The following STXBP5L variants were observed in gnomAD, a reference collection of about 807,000 sequenced individuals.
STXBP5L encodes the protein syntaxin binding protein 5L.
A neutral mutation model predicts 144.5 loss-of-function variants in STXBP5L; 65 were observed. The ratio of observed to expected loss-of-function variants is 0.45; its 90% CI spans 0.37 to 0.55. STXBP5L has a LOEUF of 0.55. STXBP5L is among the 20% of genes least tolerant of loss of function. The probability of loss-of-function intolerance (pLI) is 0.00; values close to 1 mark genes in which losing one functional copy is unlikely to be tolerated. For missense variants in STXBP5L, 1,298 were observed against 1,405.5 expected (o/e 0.92, Z 1.22); for synonymous variants, 505 against 469.6 (o/e 1.08, Z -0.97).
chr3:121,387,421 T>C (rs1264078683), intron 22 of STXBP5L, among the ~76,000 whole-genome samples: 1 of 152,214 alleles, frequency 6.6e-6, no homozygotes, highest in Non-Finnish European at 1.5e-5. Flanking sequence ...AGATCCCATT[T>C]GTCTATTTTG....
chr3:121,187,988 A>G (rs115865943), intron 9 of STXBP5L, among the ~76,000 whole-genome samples: 7,074 of 152,292 alleles, frequency 0.046, 225 homozygotes, highest in Middle Eastern at 0.099. Context: ...AGAGCTAACT[A>G]TCTTAAATAT....
chr3:121,139,414 C>T (rs2045401501), intron 7 of STXBP5L, among the ~76,000 whole-genome samples: 1 of 151,846 alleles, frequency 6.6e-6, no homozygotes, highest in South Asian at 2.1e-4. Flanking sequence ...TTTTAAAAAC[C>T]CTATGAGAGG....
In STXBP5L at chr3:120,984,549, A is replaced by G. The variant is rs543383358; in HGVS notation, c.287+29512A>G. 8.7e-5 allele frequency among the ~76,000 whole-genome samples: 13 copies of G among 150,224 alleles called. No homozygotes were observed. The East Asian group carries it at 2.5e-3, about 29-fold the overall frequency. On this transcript the variant is annotated intron_variant, in intron 3 of 26. Transcript: ENST00000471454. ...TGGTGGGGGGAATCTTTAGGGTTTT[A>G]CATATGTAAGATCATATTATCTGCA...
chr3:121,298,644 A>C (rs1577392584), intron 19 of STXBP5L, among the ~76,000 whole-genome samples: 1 of 152,342 alleles, frequency 6.6e-6, no homozygotes, highest in East Asian at 1.9e-4. Flanking sequence ...ACTAGATGAA[A>C]TAAGCCAGTC....
intron 9 of STXBP5L, chr3:121,158,077 G>A (rs575017966): frequency 1.3e-5 from 2 of 152,958 alleles, no homozygotes; most frequent in Admixed American, 6.5e-5. Context: ...AAGTTATGAA[G>A]ACTGTGGTTT....
At chr3:121,001,332 CCAGG>C (rs1943757631) in intron 3 of STXBP5L, among the ~76,000 whole-genome samples, 1 of 152,166 alleles carries the variant, frequency 6.6e-6, no homozygotes, top group African/African-American at 2.4e-5. Flanking sequence ...GTGGATGTGG[CCAGG>C]CAGAGATCCT....
rs1047380745 is a variant in STXBP5L at position 120,988,113 on chromosome 3, C to CT, written c.287+33086dup. Among the ~76,000 whole-genome samples the CT allele has an allele frequency of 4.2e-3, 604 of 143,186 alleles. 8 individuals carry two copies. Among genetic ancestry groups the CT allele is most frequent in the African/African-American group, 0.013 (512 of 39,236 alleles). 93.9% of individuals were successfully genotyped at this position (143,186 alleles called of 152,430 possible). A position where few individuals can be genotyped will look rare whatever the true frequency, so the allele number is the denominator to read the frequency against. On this transcript the variant is annotated intron_variant, in intron 3 of 26. Coordinates refer to ENST00000471454, the MANE Select transcript of STXBP5L (RefSeq NM_001308330.2). ...AGCCTGTTGCTGCAGTTGATTTTCT[C>CT]TTTTTTTTTTCCTGTTATTATTTCT...
At chr3:121,126,358 C>T (rs184533111) in intron 7 of STXBP5L, among the ~76,000 whole-genome samples, 1 of 152,248 alleles carries the variant, frequency 6.6e-6, no homozygotes, top group Non-Finnish European at 1.5e-5. Flanking sequence ...ACTATCTGGC[C>T]TTTACATAAA....
intron 11 of STXBP5L, among the ~76,000 whole-genome samples, chr3:121,233,384 A>G (rs1243768680): frequency 6.6e-6 from 1 of 152,162 alleles, no homozygotes; most frequent in Non-Finnish European, 1.5e-5. Flanking sequence ...ATTGAGATAT[A>G]TTTATACTAT....
chr3:121,154,677 A>T (rs2046053563), intron 8 of STXBP5L, among the ~76,000 whole-genome samples: 1 of 151,852 alleles, frequency 6.6e-6, no homozygotes. Flanking sequence ...AAAAAAGAAC[A>T]TCCATATATC....
chr3:121,069,203 A>C lies in STXBP5L; in HGVS notation c.470+23668A>C, dbSNP rs551027773. Among the ~76,000 whole-genome samples, 36 of 152,292 alleles carry C rather than the reference A, an allele frequency of 2.4e-4. No individual in the cohort carries two copies. In the South Asian group the frequency reaches 7.0e-3, roughly 30 times the overall value. On this transcript the variant is annotated intron_variant, in intron 5 of 26. Transcript: ENST00000471454. ...CCTGGAATTCACTAATCTGCTCTCC[A>C]TATTTATAATTTTATAACTCAAGAA...
At chr3:121,097,543 C>A (rs186702847) in intron 5 of STXBP5L, among the ~76,000 whole-genome samples, 1 of 152,278 alleles carries the variant, frequency 6.6e-6, no homozygotes, top group Non-Finnish European at 1.5e-5. Flanking sequence ...CTCAGTCCCT[C>A]ATGGCTTCCC....
At chr3:121,372,151 C>T (rs939622155) in intron 20 of STXBP5L, among the ~76,000 whole-genome samples, 10 of 152,192 alleles carry the variant, frequency 6.6e-5, no homozygotes, top group African/African-American at 2.4e-4. Flanking sequence ...AGTCCACCAG[C>T]ACAGGAGCTA....
chr3:121,014,594 T>C (rs980627749), intron 3 of STXBP5L, among the ~76,000 whole-genome samples: 3 of 149,540 alleles, frequency 2.0e-5, no homozygotes, highest in Admixed American at 6.9e-5. Context: ...TTTTGGCTAT[T>C]ATGAATACCA....
At chr3:121,069,426 C>T (rs1446658959) in intron 5 of STXBP5L, among the ~76,000 whole-genome samples, 1 of 151,526 alleles carries the variant, frequency 6.6e-6, no homozygotes, top group Admixed American at 6.6e-5. Context: ...CCATTGTGAA[C>T]TTATTACAAG....
rs61610238 is a variant in STXBP5L, at chr3:120,937,711, A to T, written c.190-17229A>T. On this transcript the variant is annotated intron_variant, in intron 2 of 26. Transcript: ENST00000471454. ...CTAAGCTTCCACATGCCAGACTAGAAATGGAAATTTCAGTATCTTAAAAAA... is the reference window on the plus strand; with the variant it reads ...CTAAGCTTCCACATGCCAGACTAGATATGGAAATTTCAGTATCTTAAAAAA... 2.6e-3 allele frequency among the ~76,000 whole-genome samples: 392 copies of T among 152,278 alleles called. 2 individuals carry two copies. The highest frequency in any genetic ancestry group is 8.8e-3 in the African/African-American group (366 of 41,540).
At chr3:121,128,176 T>C (rs573478220) in intron 7 of STXBP5L, among the ~76,000 whole-genome samples, 48 of 151,964 alleles carry the variant, frequency 3.2e-4, no homozygotes, top group African/African-American at 1.1e-3. Flanking sequence ...TAGAGGAGGG[T>C]TTATTTTTAT....
chr3:121,169,462 A>G (rs1024828102), intron 9 of STXBP5L, among the ~76,000 whole-genome samples: 4 of 152,212 alleles, frequency 2.6e-5, no homozygotes, highest in Admixed American at 6.5e-5. Flanking sequence ...GTGCTAAGAT[A>G]TACATAGGTT....
At chr3:121,326,245 T>G (rs762533140) in intron 20 of STXBP5L, among the ~76,000 whole-genome samples, 34 of 152,136 alleles carry the variant, frequency 2.2e-4, no homozygotes, top group Non-Finnish European at 3.5e-4. Context: ...TTTACCCAGT[T>G]GTATCTTAAC....
Sources: allele counts gnomAD v4.1 joint callset (sites outside exome capture counted in the v4.1 genomes callset), GRCh38; gene constraint gnomAD v4.1.1; transcripts MANE v1.5; gene names NCBI Gene and HGNC (gene_info 2026-07-23, HGNC 2026-07-21).